Variants in C8A observed in about 807,000 individuals in gnomAD.
C8A encodes complement C8 alpha chain.
C8A carries 67 observed loss-of-function variants against 65.3 expected under a neutral mutation model. The observed-to-expected ratio is 1.03, with a 90% CI of 0.84 to 1.26. The LOEUF (loss-of-function observed/expected upper bound fraction) is 1.26, where lower values mean the gene tolerates loss of function less well. Ranked by LOEUF, C8A falls within the 50% of genes most tolerant of loss-of-function variation. The pLI is 0.00. For missense variants in C8A, 781 were observed against 723.9 expected, an observed-to-expected ratio of 1.08 and a Z score of -0.90; for synonymous variants, 290 against 259.4, an observed-to-expected ratio of 1.12 and a Z score of -1.13.
chr1:56,871,820 C>G (rs938372096), intron 2 of C8A, among the ~76,000 whole-genome samples: 1 of 152,102 alleles, frequency 6.6e-6, no homozygotes, highest in Non-Finnish European at 1.5e-5. Flanking sequence ...AGAAGATTGG[C>G]TGCTAATTCA....
chr1:56,885,808 C>T (rs1644294843), intron 6 of C8A, 119 bp from the exon 7 acceptor site: 1 of 1,406,106 alleles, frequency 7.1e-7, no homozygotes, highest in African/African-American at 1.4e-5. Flanking sequence ...CTTCTGCCTC[C>T]CAAAATGCTG....
intron 9 of C8A, 87 bp downstream of exon 9, chr1:56,908,200 GC>G: frequency 7.1e-7 from 1 of 1,406,162 alleles, no homozygotes; most frequent in Non-Finnish European, 1.0e-6. Context: ...CTTATTATGA[GC>G]CCATCAAAGA....
At chr1:56,906,534 A>C (rs1644465094) in intron 7 of C8A, 133 bp from the exon 8 acceptor site, 1 of 959,418 alleles carries the variant, frequency 1.0e-6, no homozygotes, top group Non-Finnish European at 1.7e-6. Flanking sequence ...ATTGGATTAA[A>C]GAACCGGGCT....
At chr1:56,864,744 G>A (rs1489740563) in intron 1 of C8A, among the ~76,000 whole-genome samples, 1 of 152,178 alleles carries the variant, frequency 6.6e-6, no homozygotes. Flanking sequence ...TCTTTGAAGG[G>A]ATGGGAGGGC....
intron 1 of C8A, among the ~76,000 whole-genome samples, chr1:56,867,080 A>G (rs985149599): frequency 6.6e-6 from 1 of 152,228 alleles, no homozygotes; most frequent in East Asian, 1.9e-4. Context: ...GATAATCCAC[A>G]TAATGTCCCA....
chr1:56,909,732 T>C (rs1427046695), intron 9 of C8A, among the ~76,000 whole-genome samples: 1 of 152,208 alleles, frequency 6.6e-6, no homozygotes, highest in Admixed American at 6.5e-5. Context: ...GCTTTTTCAA[T>C]GTGTGACCTT....
rs766406234 is a variant in C8A at position 56,883,480 on chromosome 1, G to A, written c.655-1G>A. On this transcript the variant is annotated splice_acceptor_variant, in intron 5 of 10. Coordinates refer to ENST00000361249, the MANE Select transcript of C8A (RefSeq NM_000562.3). LOFTEE classifies it high-confidence loss of function. ...CTAATATCTATCCTTTTTTTTTTCA[G>A]GCCCTGGCAGATACTGGAATCTCCT... The A allele has an allele frequency of 1.9e-6, 3 of 1,603,718 alleles. No individual in the cohort carries two copies. The Admixed American group carries it at 5.2e-5, about 28-fold the overall frequency.
intron 6 of C8A, among the ~76,000 whole-genome samples, chr1:56,885,464 A>ATATATATTT (rs1557705936): frequency 4.0e-5 from 5 of 126,058 alleles, no homozygotes; most frequent in African/African-American, 1.4e-4. Context: ...ATTTCCGTAA[A>ATATATATTT]TATATATTTA....
intron 7 of C8A, among the ~76,000 whole-genome samples, chr1:56,905,133 G>C (rs1465546749): frequency 6.6e-6 from 1 of 152,204 alleles, no homozygotes; most frequent in East Asian, 1.9e-4. Context: ...TGTTTGAATG[G>C]AAATGGCAGA....
chr1:56,898,830 G>T (rs1644404524), intron 7 of C8A, among the ~76,000 whole-genome samples: 1 of 152,164 alleles, frequency 6.6e-6, no homozygotes, highest in African/African-American at 2.4e-5. Context: ...AGCCTCCAGA[G>T]CTTTCCTAAC....
At chr1:56,894,494 G>A (rs1570342660) in intron 7 of C8A, among the ~76,000 whole-genome samples, 2 of 152,130 alleles carry the variant, frequency 1.3e-5, no homozygotes, top group Non-Finnish European at 2.9e-5. Flanking sequence ...CAGTGACCCT[G>A]GGAAAGACCC....
At chr1:56,906,918 C>T (rs619545) in intron 8 of C8A, 126 bp downstream of exon 8, 860,645 of 1,147,188 alleles carry the variant, frequency 0.75, 326,581 homozygotes, top group East Asian at 1. Context: ...ACTGCATAGA[C>T]GCTAAATACC....
At chr1:56,867,402 A>G (rs1212799857) in intron 1 of C8A, among the ~76,000 whole-genome samples, 1 of 152,174 alleles carries the variant, frequency 6.6e-6, no homozygotes, top group Non-Finnish European at 1.5e-5. Flanking sequence ...GGACTGATAT[A>G]GTATTAAAGG....
chr1:56,891,058 A>G (rs898628360), intron 7 of C8A, among the ~76,000 whole-genome samples: 3 of 152,194 alleles, frequency 2.0e-5, no homozygotes, highest in Non-Finnish European at 4.4e-5. Context: ...GATAAAAGCC[A>G]TTTAGAAAAT....
chr1:56,906,689 G>A lies in C8A; in HGVS notation c.1119G>A (p.Thr373=), dbSNP rs147666641. 52 of 1,613,892 alleles carry A rather than the reference G, an allele frequency of 3.2e-5. No individual in the cohort carries two copies. The African/African-American group carries it at 4.3e-4, about 13-fold the overall frequency. The change falls in exon 8 of 11, where the codon ACG becomes ACA. Residue 373 remains threonine (T), a synonymous_variant. Transcript: ENST00000361249. ...ESLGITSRDI[T]TCFGGSLGIQ... Reference sequence around the variant, plus strand: ...CAGGTATTACCAGCAGAGATATCACGACATGTTTTGGAGGCTCCTTGGGCA... The same window carrying A: ...CAGGTATTACCAGCAGAGATATCACAACATGTTTTGGAGGCTCCTTGGGCA...
intron 6 of C8A, among the ~76,000 whole-genome samples, chr1:56,885,301 TATATATTTACATAAATATATTTATTTAA>T (rs1557705390): frequency 1.5e-5 from 2 of 129,608 alleles, no homozygotes; most frequent in African/African-American, 6.9e-5. Context: ...TATATATTTA[TATATATTTACATAAATATATTTATTTAA>T]ATATATATTT....
At chr1:56,902,258 T>G (rs1644432419) in intron 7 of C8A, among the ~76,000 whole-genome samples, 1 of 152,182 alleles carries the variant, frequency 6.6e-6, no homozygotes, top group Non-Finnish European at 1.5e-5. Flanking sequence ...TCCTGTAGCT[T>G]TTGGCCTTTG....
chr1:56,895,687 C>T (rs1644382561), intron 7 of C8A, among the ~76,000 whole-genome samples: 1 of 152,116 alleles, frequency 6.6e-6, no homozygotes, highest in Admixed American at 6.5e-5. Context: ...TCTTGTAATC[C>T]TAGCATTTTT....
rs1252620386 is a variant in C8A at position 56,886,069 on chromosome 1, T to C, written c.998T>C (p.Phe333Ser). 6.2e-7 allele frequency: 1 copy of C among 1,614,082 alleles called. No homozygotes were observed. The highest frequency in any genetic ancestry group is 8.5e-7 in the Non-Finnish European group (1 of 1,179,958). Residue 333 changes from phenylalanine to serine, a missense_variant, in exon 7 of 11, where the codon TTC becomes TCC. By Grantham distance (155) the Phe-to-Ser change is radical. Coordinates refer to ENST00000361249, the MANE Select transcript of C8A (RefSeq NM_000562.3). ...DQYNYGMYAK[F>S]INDYGTHYIT... is the part of the protein sequence containing the mutation. Reference sequence around the variant, plus strand: ...TACAATTATGGCATGTATGCCAAGTTCATCAATGACTATGGCACCCATTAC... The same window carrying C: ...TACAATTATGGCATGTATGCCAAGTCCATCAATGACTATGGCACCCATTAC...
Sources: allele counts gnomAD v4.1 joint callset (sites outside exome capture counted in the v4.1 genomes callset), GRCh38; gene constraint gnomAD v4.1.1; transcripts MANE v1.5; gene names NCBI Gene and HGNC (gene_info 2026-07-23, HGNC 2026-07-21).